Variants in GLMN observed in about 807,000 individuals in gnomAD.
The protein encoded by GLMN is glomulin.
Under a neutral mutation model 87.8 loss-of-function variants are expected in GLMN, and 75 were observed. That is an observed-to-expected ratio of 0.85 (90% confidence interval 0.71 to 1.04). The LOEUF is 1.04. Among genes scored for constraint, GLMN ranks in the 50% least tolerant of loss-of-function variants. The pLI is 0.00. For synonymous variants in GLMN, 206 were observed against 221.6 expected (o/e 0.93, Z 0.63); for missense variants, 588 against 658.8 (o/e 0.89, Z 1.18).
intron 7 of GLMN, among the ~76,000 whole-genome samples, chr1:92,279,853 C>T (rs997197545): frequency 6.6e-6 from 1 of 152,250 alleles, no homozygotes; most frequent in Non-Finnish European, 1.5e-5. Context: ...TTGCGCACTG[C>T]TAGCGCAGCA....
the GLMN span, among the ~76,000 whole-genome samples, chr1:92,305,562 C>G: frequency 1.4e-5 from 2 of 146,854 alleles, no homozygotes; most frequent in Non-Finnish European, 3.0e-5. Flanking sequence ...AAATGTAAAA[C>G]TTTTGTTCAT....
At chr1:92,285,804 A>T (rs1168845086) in intron 7 of GLMN, among the ~76,000 whole-genome samples, 1 of 152,200 alleles carries the variant, frequency 6.6e-6, no homozygotes, top group East Asian at 1.9e-4. Context: ...GAAATTCAGA[A>T]ACATCAACTT....
chr1:92,290,539 G>A (rs1016004025), intron 4 of GLMN, among the ~76,000 whole-genome samples: 1 of 152,204 alleles, frequency 6.6e-6, no homozygotes, highest in African/African-American at 2.4e-5. Flanking sequence ...TTTAGGCTCA[G>A]GTTTCCTTTG....
chr1:92,326,710 G>A, the GLMN span, among the ~76,000 whole-genome samples: 118 of 152,338 alleles, frequency 7.7e-4, 1 homozygote, highest in African/African-American at 2.3e-3. Context: ...CCTCTGCTGT[G>A]TCATGCAGGT....
chr1:92,348,008 C>T, the GLMN span, among the ~76,000 whole-genome samples: 3 of 152,032 alleles, frequency 2.0e-5, no homozygotes, highest in Non-Finnish European at 4.4e-5. Flanking sequence ...CTCCCGGGTT[C>T]AACCAATTCT....
chr1:92,351,542 C>T, the GLMN span, among the ~76,000 whole-genome samples: 9 of 152,208 alleles, frequency 5.9e-5, no homozygotes, highest in African/African-American at 1.9e-4. Flanking sequence ...TAGGACACAT[C>T]GCTCAGCTTC....
upstream of GLMN, chr1:92,299,104 G>T (rs764666965): frequency 3.9e-6 from 6 of 1,520,750 alleles, no homozygotes; most frequent in South Asian, 6.2e-5. Context: ...GTCTTCTGCC[G>T]GCCGCAAGGC....
chr1:92,330,927 A>G, the GLMN span, among the ~76,000 whole-genome samples: 3 of 152,132 alleles, frequency 2.0e-5, no homozygotes, highest in African/African-American at 7.2e-5. Context: ...TTACTGAATG[A>G]GAATTACTTT....
chr1:92,268,169 G>A (rs751761547), intron 9 of GLMN, 34 bp from the exon 10 acceptor site: 1 of 1,141,830 alleles, frequency 8.8e-7, no homozygotes, highest in African/African-American at 1.5e-5. Flanking sequence ...TCATGAATTT[G>A]TAAACTATTT....
upstream of GLMN, among the ~76,000 whole-genome samples, chr1:92,302,452 TTC>T (rs1238356255): frequency 2.6e-5 from 4 of 152,062 alleles, no homozygotes; most frequent in Non-Finnish European, 5.9e-5. Flanking sequence ...GTTTTCTATA[TTC>T]TGTGTTGTGT....
the GLMN span, chr1:92,307,165 TAGATTTATA>T: frequency 1.3e-6 from 2 of 1,529,732 alleles, no homozygotes; most frequent in South Asian, 1.1e-5. Context: ...AGAAAAAAAC[TAGATTTATA>T]ATGTTCTTTT....
At chr1:92,258,567 G>A (rs1415666027) in intron 16 of GLMN, among the ~76,000 whole-genome samples, 1 of 152,190 alleles carries the variant, frequency 6.6e-6, no homozygotes, top group Non-Finnish European at 1.5e-5. Context: ...GGAATACTGT[G>A]CAGCCATAAA....
the GLMN span, chr1:92,363,686 C>A: frequency 3.3e-6 from 1 of 298,888 alleles, no homozygotes; most frequent in Non-Finnish European, 6.5e-6. Flanking sequence ...ACCAACCCCA[C>A]TTCTCTTTCT....
At chr1:92,280,622 G>A (rs1647914169) in intron 7 of GLMN, among the ~76,000 whole-genome samples, 1 of 152,216 alleles carries the variant, frequency 6.6e-6, no homozygotes. Context: ...TGAGTTTGAT[G>A]AGTTGACAGA....
At chr1:92,302,440 C>T (rs902003341), upstream of GLMN, among the ~76,000 whole-genome samples, 2 of 151,464 alleles carry the variant, frequency 1.3e-5, no homozygotes, top group African/African-American at 4.8e-5. Flanking sequence ...ATTGCAATTC[C>T]AGTTTTCTAT....
chr1:92,336,302 C>G, the GLMN span: 2 of 1,380,570 alleles, frequency 1.4e-6, no homozygotes, highest in East Asian at 2.4e-5. Flanking sequence ...AAAAAAGTTT[C>G]CATATAATTT....
the GLMN span, among the ~76,000 whole-genome samples, chr1:92,344,721 C>A: frequency 3.3e-5 from 5 of 152,168 alleles, no homozygotes; most frequent in African/African-American, 1.2e-4. Flanking sequence ...GTTAAAGGCA[C>A]TATTTCTTCC....
rs1298066314 is a variant in GLMN, at chr1:92,271,545, C to T, written c.843G>A (p.Gln281=). 1 of 1,611,916 alleles carries T rather than the reference C, an allele frequency of 6.2e-7. No individual in the cohort carries two copies. Among genetic ancestry groups the T allele is most frequent in the South Asian group, 1.1e-5 (1 of 91,030 alleles). ...YLEFEEEENK[Q]LADSMASLAY... is the part of the protein sequence containing the mutation. Reference sequence around the variant, plus strand: ...CCAGAGAAGCCATTGAGTCTGCTAACTGTTTATTTTCTTCTTCTTCAAATT... The same window carrying T: ...CCAGAGAAGCCATTGAGTCTGCTAATTGTTTATTTTCTTCTTCTTCAAATT... The change falls in exon 8 of 19, where the codon CAG becomes CAA. Residue 281 remains glutamine (Q), a synonymous_variant. Transcript: ENST00000370360.
chr1:92,292,659 G>A (rs1474828403), intron 3 of GLMN, among the ~76,000 whole-genome samples: 6 of 144,108 alleles, frequency 4.2e-5, no homozygotes, highest in South Asian at 2.2e-4. Context: ...TCCTGACCTC[G>A]TGATCCGCCC....
Sources: allele counts gnomAD v4.1 joint callset (sites outside exome capture counted in the v4.1 genomes callset), GRCh38; gene constraint gnomAD v4.1.1; transcripts MANE v1.5; gene names NCBI Gene and HGNC (gene_info 2026-07-23, HGNC 2026-07-21).